The following DEFB1 variants were observed in gnomAD, a reference collection of about 807,000 sequenced individuals.
DEFB1 encodes the protein defensin beta 1, also known as beta-defensin 1.
A neutral mutation model predicts 2.6 loss-of-function variants in DEFB1; 4 were observed. The ratio of observed to expected loss-of-function variants is 1.53; its 90% CI spans 0.76 to 3.51. The LOEUF (loss-of-function observed/expected upper bound fraction) is 3.51. DEFB1 is among the 30% of genes most tolerant of loss of function. DEFB1 has a pLI of 0.01. For synonymous variants in DEFB1, 56 were observed against 28.5 expected (o/e 1.96, Z -3.07); for missense variants, 162 against 76.9 (o/e 2.11, Z -4.14).
At chr8:6,876,495 A>G (rs1266314783) in intron 1 of DEFB1, among the ~76,000 whole-genome samples, 2 of 151,918 alleles carry the variant, frequency 1.3e-5, no homozygotes, top group African/African-American at 2.4e-5. Flanking sequence ...AAAACAAAAC[A>G]AAACAAAAAA....
At chr8:6,873,301 G>T (rs566422564) in intron 1 of DEFB1, among the ~76,000 whole-genome samples, 35 of 152,326 alleles carry the variant, frequency 2.3e-4, no homozygotes, top group Non-Finnish European at 4.4e-4. Context: ...CACACTGCTG[G>T]TTGACTGTGG....
intron 1 of DEFB1, among the ~76,000 whole-genome samples, chr8:6,876,674 A>G (rs530532282): frequency 8.2e-4 from 125 of 151,854 alleles, no homozygotes; most frequent in African/African-American, 2.9e-3. Flanking sequence ...GTGGTGGTGC[A>G]TGCCTGTAGT....
Position 6,877,915 on chromosome 8 carries a change from G to A in DEFB1, c.-58C>T. 6.6e-7 allele frequency: 1 copy of A among 1,523,700 alleles called. No individual in the cohort carries two copies. The highest frequency in any genetic ancestry group is 9.1e-7 in the Non-Finnish European group (1 of 1,098,072). The allele number at this position is 1,523,700 out of a possible 1,614,324, so 94.4% of individuals were successfully genotyped here. A position where few individuals can be genotyped will look rare whatever the true frequency, so the allele number is the denominator to read the frequency against. ...AACTGGGGAGACGCTGGCTCCTTTG[G>A]AGGCTGAGCTGACAGAGGCTTCCAG... On this transcript the variant is annotated 5_prime_UTR_variant, in exon 1 of 2. Transcript: ENST00000297439.
Position 6,877,928 on chromosome 8 carries a change from CAG to C in DEFB1, c.-73_-72del. 7.7e-7 allele frequency: 1 copy of C among 1,303,134 alleles called. No individual in the cohort carries two copies. Among genetic ancestry groups the C allele is most frequent in the Admixed American group, 1.7e-5 (1 of 58,648 alleles). 80.7% of individuals were successfully genotyped at this position (1,303,134 alleles called of 1,614,324 possible). The stretch of plus-strand genomic sequence containing the variant: ...CTGGCTCCTTTGGAGGCTGAGCTGA[CAG>C]AGGCTTCCAGAGGCTGGAGCGTCAC... On this transcript the variant is annotated 5_prime_UTR_variant, in exon 1 of 2. Transcript: ENST00000297439.
At position 6,870,692 on chromosome 8, in the gene DEFB1, A is replaced by G; in HGVS notation, c.196T>C (p.Cys66Arg). 2 of 1,614,142 alleles carry G rather than the reference A, an allele frequency of 1.2e-6. No individual in the cohort carries two copies. The highest frequency in any genetic ancestry group is 1.7e-6 in the Non-Finnish European group (2 of 1,180,028). The change falls in exon 2 of 2, where the codon TGC becomes CGC. Residue 66 changes from cysteine (C) to arginine (R), a missense_variant. By Grantham distance (180) the Cys-to-Arg change is radical. Transcript: ENST00000297439. ...TGGTCACTCCCAGCTCACTTGCAGC[A>G]CTTGGCCTTCCCTCTGTAACAGGTG... ...QGTCYRGKAK[C>R]CK is the part of the protein sequence containing the mutation.
Position 6,870,764 on chromosome 8 carries a change from CT to C in DEFB1, c.123del (p.Gln43AsnfsTer40). On this transcript the variant is annotated frameshift_variant, in exon 2 of 2. Coordinates refer to ENST00000297439, the MANE Select transcript of DEFB1 (RefSeq NM_005218.4). LOFTEE classifies it low-confidence loss of function (END_TRUNC). ...GGGCAGGCAGAATAGAGACATTGCC[CT>C]CCACTGCTGACGCAATTGTAATGAT... ...RSDHYNCVSS[G>X]GQCLYSACPI... is the part of the protein sequence containing the mutation. 6.2e-7 allele frequency: 1 copy of C among 1,614,224 alleles called. No individual in the cohort carries two copies. Among genetic ancestry groups the C allele is most frequent in the Non-Finnish European group, 8.5e-7 (1 of 1,180,052 alleles).
intron 1 of DEFB1, among the ~76,000 whole-genome samples, chr8:6,871,129 A>G (rs1806294490): frequency 6.6e-6 from 1 of 152,190 alleles, no homozygotes; most frequent in South Asian, 2.1e-4. Context: ...TTTTCCAAAC[A>G]AGTTTTCTGC....
intron 1 of DEFB1, among the ~76,000 whole-genome samples, chr8:6,872,968 G>A (rs1461400036): frequency 6.6e-6 from 1 of 152,204 alleles, no homozygotes; most frequent in Non-Finnish European, 1.5e-5. Flanking sequence ...TGTTATTAGA[G>A]AGATCAACTG....
intron 1 of DEFB1, among the ~76,000 whole-genome samples, chr8:6,877,505 C>T (rs1954293639): frequency 6.6e-6 from 1 of 152,228 alleles, no homozygotes; most frequent in Non-Finnish European, 1.5e-5. Flanking sequence ...GGGGAAGCAG[C>T]AATCTCATCC....
At chr8:6,877,186 A>G (rs1442074826) in intron 1 of DEFB1, among the ~76,000 whole-genome samples, 1 of 152,234 alleles carries the variant, frequency 6.6e-6, no homozygotes, top group African/African-American at 2.4e-5. Context: ...CCATCATGTC[A>G]GGGTCATGGC....
chr8:6,872,129 C>T (rs888045760), intron 1 of DEFB1, among the ~76,000 whole-genome samples: 1 of 152,122 alleles, frequency 6.6e-6, no homozygotes, highest in African/African-American at 2.4e-5. Context: ...CTTCCCAAAC[C>T]TCTTCATTCT....
In DEFB1 at chr8:6,877,896, G is replaced by A; in HGVS notation, c.-39C>T. Reference sequence around the variant, plus strand: ...CAACACCCAGGATTTCAGGAACTGGGGAGACGCTGGCTCCTTTGGAGGCTG... The same window carrying A: ...CAACACCCAGGATTTCAGGAACTGGAGAGACGCTGGCTCCTTTGGAGGCTG... On this transcript the variant is annotated 5_prime_UTR_variant, in exon 1 of 2. Coordinates refer to ENST00000297439, the MANE Select transcript of DEFB1 (RefSeq NM_005218.4). 1 of 1,600,408 alleles carries A rather than the reference G, an allele frequency of 6.2e-7. No individual in the cohort carries two copies. The highest frequency in any genetic ancestry group is 8.6e-7 in the Non-Finnish European group (1 of 1,167,630).
chr8:6,875,064 CCACACACACACACA>C (rs61101914), intron 1 of DEFB1, among the ~76,000 whole-genome samples: 124 of 135,722 alleles, frequency 9.1e-4, no homozygotes, highest in African/African-American at 2.9e-3. Context: ...CATACCGAAG[CCACACACACACACA>C]CACACACACA....
rs1806271448 is a variant in DEFB1, at chr8:6,870,608, T to G, written c.*73A>C. The stretch of plus-strand genomic sequence containing the variant: ...CAAAGGAGGTATACTTCAAAAGCAA[T>G]TTTCCTTTATTAAAAGAATGCTTAT... On this transcript the variant is annotated 3_prime_UTR_variant, in exon 2 of 2. Coordinates refer to ENST00000297439, the MANE Select transcript of DEFB1 (RefSeq NM_005218.4). 3.8e-6 allele frequency: 6 copies of G among 1,561,434 alleles called. No homozygotes were observed. The highest frequency in any genetic ancestry group is 5.2e-6 in the Non-Finnish European group (6 of 1,155,922).
In DEFB1 at chr8:6,870,811, G is replaced by A; in HGVS notation, c.77C>T (p.Thr26Ile). ...ATGATCAGATCTGTGGCCAAGGCCT[G>A]TGAGAAAGTTACCACCTGTAAGGAG... ...SEMASGGNFL[T>I]GLGHRSDHYN... The change falls in exon 2 of 2, where the codon ACA becomes ATA. Residue 26 changes from threonine to isoleucine, a missense_variant. Transcript: ENST00000297439. 6.2e-7 allele frequency: 1 copy of A among 1,613,214 alleles called. No individual in the cohort carries two copies. The highest frequency in any genetic ancestry group is 1.1e-5 in the South Asian group (1 of 90,786).
intron 1 of DEFB1, among the ~76,000 whole-genome samples, chr8:6,871,225 C>A (rs891069679): frequency 1.3e-5 from 2 of 152,256 alleles, no homozygotes; most frequent in African/African-American, 4.8e-5. Context: ...CTACACTTCC[C>A]TCCTTCCATG....
rs200848360 is a variant in DEFB1 at position 6,877,792 on chromosome 8, C to T, written c.61+5G>A. On this transcript the variant is annotated splice_donor_5th_base_variant and intron_variant, in intron 1 of 1. Coordinates refer to ENST00000297439, the MANE Select transcript of DEFB1 (RefSeq NM_005218.4). The stretch of plus-strand genomic sequence containing the variant: ...TGGGAAACTCTTGCAGGTACCAGAG[C>T]TTACCTGAGGCCATCTCAGACAAAA... The T allele has an allele frequency of 7.7e-4, 1,240 of 1,613,284 alleles. 1 individual carries two copies. Among genetic ancestry groups the T allele is most frequent in the Non-Finnish European group, 1.0e-3 (1,193 of 1,179,332 alleles).
At chr8:6,876,117 A>T (rs1197418785) in intron 1 of DEFB1, among the ~76,000 whole-genome samples, 2 of 152,194 alleles carry the variant, frequency 1.3e-5, no homozygotes, top group East Asian at 3.8e-4. Flanking sequence ...CCCAAACTGA[A>T]ATATGGGTGT....
At chr8:6,877,346 G>A (rs1418802142) in intron 1 of DEFB1, among the ~76,000 whole-genome samples, 4 of 152,218 alleles carry the variant, frequency 2.6e-5, no homozygotes, top group Non-Finnish European at 4.4e-5. Flanking sequence ...CCAAGGCACC[G>A]GCTGAGCTGG....
Sources: allele counts gnomAD v4.1 joint callset (sites outside exome capture counted in the v4.1 genomes callset), GRCh38; gene constraint gnomAD v4.1.1; transcripts MANE v1.5; gene names NCBI Gene and HGNC (gene_info 2026-07-23, HGNC 2026-07-21).